PRICKLE2: variants seen among roughly 807,000 people sequenced by gnomAD.
PRICKLE2 encodes the protein prickle-like protein 2.
Under a neutral mutation model 81.4 loss-of-function variants are expected in PRICKLE2, and 21 were observed. The observed-to-expected ratio is 0.26, with a 90% CI of 0.18 to 0.37. PRICKLE2 has a LOEUF of 0.37. PRICKLE2 is among the 10% of genes least tolerant of loss of function. PRICKLE2 has a pLI of 1.00. For missense variants in PRICKLE2, 940 were observed against 1,109.0 expected (o/e 0.85, Z 2.16); for synonymous variants, 456 against 421.5 (o/e 1.08, Z -1.00).
At chr3:64,202,684 A>ATT (rs2078608612) in intron 1 of PRICKLE2, among the ~76,000 whole-genome samples, 3 of 121,292 alleles carry the variant, frequency 2.5e-5, no homozygotes, top group African/African-American at 8.3e-5. Context: ...ATTCTTTAGA[A>ATT]TTTTCTATAT....
At chr3:64,155,696 C>A (rs893540507) in intron 5 of PRICKLE2, among the ~76,000 whole-genome samples, 1 of 152,032 alleles carries the variant, frequency 6.6e-6, no homozygotes, top group African/African-American at 2.4e-5. Context: ...TATTCAGCCA[C>A]GAGAAGGAAT....
chr3:64,166,884 C>T (rs1005836112), intron 2 of PRICKLE2, among the ~76,000 whole-genome samples: 5 of 152,120 alleles, frequency 3.3e-5, no homozygotes, highest in Admixed American at 6.5e-5. Context: ...AGCTTTGTGT[C>T]GCCTCCTGGT....
chr3:64,229,205 G>C (rs2079068635), upstream of PRICKLE2, among the ~76,000 whole-genome samples: 1 of 152,152 alleles, frequency 6.6e-6, no homozygotes, highest in Non-Finnish European at 1.5e-5. Context: ...ACATGACACT[G>C]GCAGGTAATA....
chr3:64,180,569 G>A (rs2078111572), intron 2 of PRICKLE2, among the ~76,000 whole-genome samples: 1 of 149,422 alleles, frequency 6.7e-6, no homozygotes. Context: ...GTCTCACTCT[G>A]TCACCTAGGC....
chr3:64,251,348 A>C (rs976513094), intron 2 of PRICKLE2, among the ~76,000 whole-genome samples: 1 of 152,166 alleles, frequency 6.6e-6, no homozygotes, highest in South Asian at 2.1e-4. Flanking sequence ...CAATACCAGG[A>C]GCTGGCAGTT....
intron 2 of PRICKLE2, among the ~76,000 whole-genome samples, chr3:64,198,103 T>A (rs2078493589): frequency 2.0e-5 from 3 of 151,804 alleles, no homozygotes; most frequent in Admixed American, 2.0e-4. Flanking sequence ...TCCCAGCTAC[T>A]CGGGAGGCTA....
chr3:64,126,723 G>A (rs982374061), intron 7 of PRICKLE2, among the ~76,000 whole-genome samples: 3 of 152,106 alleles, frequency 2.0e-5, no homozygotes, highest in Admixed American at 6.5e-5. Flanking sequence ...GACTACAGGT[G>A]CACACCACTG....
At chr3:64,134,952 G>T (rs1575576494) in intron 7 of PRICKLE2, among the ~76,000 whole-genome samples, 1 of 152,186 alleles carries the variant, frequency 6.6e-6, no homozygotes, top group East Asian at 1.9e-4. Flanking sequence ...GCAGCCACTG[G>T]GAAGTCTGCT....
chr3:64,187,498 C>T (rs1253538709), intron 2 of PRICKLE2: 1 of 152,190 alleles, frequency 6.6e-6, no homozygotes, highest in Non-Finnish European at 1.5e-5. Flanking sequence ...GGAATTTAAT[C>T]CAATTCAGTT....
chr3:64,146,570 G>A (rs1289480180), intron 7 of PRICKLE2: 5 of 431,500 alleles, frequency 1.2e-5, no homozygotes, highest in African/African-American at 4.0e-5. Flanking sequence ...GGTGAAACAC[G>A]TGTGTACTAA....
intron 2 of PRICKLE2, among the ~76,000 whole-genome samples, chr3:64,245,176 A>G (rs1311932548): frequency 6.6e-6 from 1 of 152,220 alleles, no homozygotes; most frequent in Non-Finnish European, 1.5e-5. Flanking sequence ...GCTTGATTTA[A>G]CAAGAAAAAA....
chr3:64,219,868 T>G (rs148149525), intron 1 of PRICKLE2, among the ~76,000 whole-genome samples: 13 of 152,326 alleles, frequency 8.5e-5, no homozygotes, highest in Middle Eastern at 3.4e-3. Flanking sequence ...AACGAGTTAC[T>G]TAACTTCCAG....
chr3:64,116,917 T>G (rs1422932764), intron 7 of PRICKLE2, among the ~76,000 whole-genome samples: 1 of 152,194 alleles, frequency 6.6e-6, no homozygotes, highest in South Asian at 2.1e-4. Flanking sequence ...CAGGCCAACA[T>G]CCTTGATGAA....
intron 7 of PRICKLE2, among the ~76,000 whole-genome samples, chr3:64,123,294 T>C (rs964526053): frequency 1.6e-4 from 25 of 152,192 alleles, no homozygotes; most frequent in African/African-American, 5.8e-4. Flanking sequence ...CTGTGAGCTA[T>C]ATGGACCAAC....
chr3:64,205,165 T>G (rs891055810), intron 1 of PRICKLE2, among the ~76,000 whole-genome samples: 11 of 151,550 alleles, frequency 7.3e-5, no homozygotes, highest in African/African-American at 2.4e-4. Flanking sequence ...ACATTCTATC[T>G]GCACATAATT....
chr3:64,198,772 C>G lies in PRICKLE2; in HGVS notation c.144+12G>C. Reference sequence around the variant, plus strand: ...ACCCAAACCACCAGCATGCTCCCATCCAGAATGGTACCTGTTCAGGCTTCA... The same window carrying G: ...ACCCAAACCACCAGCATGCTCCCATGCAGAATGGTACCTGTTCAGGCTTCA... On this transcript the variant is annotated intron_variant, in intron 2 of 7. Transcript: ENST00000638394. 6.2e-7 allele frequency: 1 copy of G among 1,613,996 alleles called. No individual in the cohort carries two copies. The highest frequency in any genetic ancestry group is 8.5e-7 in the Non-Finnish European group (1 of 1,179,928).
At chr3:64,251,379 G>A (rs1020548007) in intron 2 of PRICKLE2, among the ~76,000 whole-genome samples, 1 of 152,178 alleles carries the variant, frequency 6.6e-6, no homozygotes, top group Admixed American at 6.5e-5. Flanking sequence ...CACCACTTCT[G>A]CATGTCCTCT....
chr3:64,193,018 G>C (rs1485260412), intron 2 of PRICKLE2, among the ~76,000 whole-genome samples: 2 of 152,088 alleles, frequency 1.3e-5, no homozygotes, highest in Non-Finnish European at 2.9e-5. Context: ...CCACCCACAA[G>C]ACATACCAGT....
intron 7 of PRICKLE2, among the ~76,000 whole-genome samples, chr3:64,125,382 T>C (rs1409122770): frequency 6.6e-6 from 1 of 152,244 alleles, no homozygotes; most frequent in Non-Finnish European, 1.5e-5. Context: ...AGTCCAATTT[T>C]GTAATAAGTT....
Sources: allele counts gnomAD v4.1 joint callset (sites outside exome capture counted in the v4.1 genomes callset), GRCh38; gene constraint gnomAD v4.1.1; transcripts MANE v1.5; gene names NCBI Gene and HGNC (gene_info 2026-07-23, HGNC 2026-07-21).